The following PTPRD variants were observed in gnomAD, a reference collection of about 807,000 sequenced individuals.
PTPRD encodes receptor-type tyrosine-protein phosphatase delta.
PTPRD carries 34 observed loss-of-function variants against 214.5 expected under a neutral mutation model. The ratio of observed to expected loss-of-function variants is 0.16; its 90% CI spans 0.12 to 0.21. The LOEUF is 0.21. Ranked by LOEUF, PTPRD falls within the 10% of genes least tolerant of loss-of-function variation. PTPRD has a pLI of 1.00. For missense variants in PTPRD, 2,545 were observed against 2,398.7 expected (o/e 1.06, Z -1.27); for synonymous variants, 1,128 against 845.7 (o/e 1.33, Z -5.79).
chr9:10,493,141 A>T (rs2040901886), intron 2 of PTPRD, among the ~76,000 whole-genome samples: 1 of 152,176 alleles, frequency 6.6e-6, no homozygotes, highest in African/African-American at 2.4e-5. Context: ...TATGGATAGG[A>T]ATAATCAATA....
At chr9:8,449,913 T>C (rs2133485214) in intron 33 of PTPRD, 76 bp from the exon 34 acceptor site, 2 of 1,394,266 alleles carry the variant, frequency 1.4e-6, no homozygotes, top group East Asian at 2.3e-5. Context: ...GAATTGCACC[T>C]GCACTCCCCC....
chr9:8,582,155 G>A (rs2093213288), intron 14 of PTPRD, among the ~76,000 whole-genome samples: 1 of 152,082 alleles, frequency 6.6e-6, no homozygotes, highest in South Asian at 2.1e-4. Flanking sequence ...TGAGACAGAG[G>A]CAGTATTTCA....
At chr9:9,592,804 G>A (rs2092873681) in intron 7 of PTPRD, among the ~76,000 whole-genome samples, 1 of 152,062 alleles carries the variant, frequency 6.6e-6, no homozygotes, top group African/African-American at 2.4e-5. Context: ...CAGCACTTTG[G>A]GAGGTTGAGG....
At position 8,321,984 on chromosome 9, in the gene PTPRD, A is replaced by G. The variant is rs542095076; in HGVS notation, c.5535-2018T>C. ...TTTGGTAATTCTTGTAATATTTCAA[A>G]TTTTTTCATACTATTACATCTGTTA... On this transcript the variant is annotated intron_variant, in intron 44 of 45. Coordinates refer to ENST00000381196, the MANE Select transcript of PTPRD (RefSeq NM_002839.4). Among the ~76,000 whole-genome samples, 13 of 151,754 alleles carry G rather than the reference A, an allele frequency of 8.6e-5. No homozygotes were observed. In the East Asian group the frequency reaches 1.7e-3, roughly 20 times the overall value.
At chr9:8,772,061 G>C (rs891094362) in intron 11 of PTPRD, among the ~76,000 whole-genome samples, 2 of 151,850 alleles carry the variant, frequency 1.3e-5, no homozygotes, top group Admixed American at 6.6e-5. Context: ...ACTATCTCAT[G>C]TACTCCATAA....
intron 2 of PTPRD, among the ~76,000 whole-genome samples, chr9:10,428,972 G>A (rs678085): frequency 9.9e-5 from 15 of 151,990 alleles, no homozygotes; most frequent in Non-Finnish European, 1.8e-4. Flanking sequence ...AGTACCTGTC[G>A]CATAGGGTTG....
intron 2 of PTPRD, among the ~76,000 whole-genome samples, chr9:10,470,011 T>G (rs1311640264): frequency 6.6e-6 from 1 of 151,770 alleles, no homozygotes; most frequent in Non-Finnish European, 1.5e-5. Flanking sequence ...GTAGGGTATT[T>G]GGGAGGGGGA....
intron 2 of PTPRD, among the ~76,000 whole-genome samples, chr9:10,529,625 G>T (rs1018931853): frequency 2.0e-4 from 30 of 151,622 alleles, no homozygotes; most frequent in African/African-American, 7.0e-4. Flanking sequence ...GTAGATGATG[G>T]CTTGATGGGT....
intron 4 of PTPRD, among the ~76,000 whole-genome samples, chr9:9,958,885 A>T (rs1443243408): frequency 6.6e-6 from 1 of 152,190 alleles, no homozygotes; most frequent in Non-Finnish European, 1.5e-5. Context: ...TGCTAGTGAG[A>T]ATGTAGGGCA....
intron 5 of PTPRD, among the ~76,000 whole-genome samples, chr9:9,889,535 A>G (rs554019825): frequency 1.3e-5 from 2 of 152,164 alleles, no homozygotes; most frequent in Non-Finnish European, 2.9e-5. Flanking sequence ...AGAGAACACC[A>G]AGCCTCTAAG....
intron 11 of PTPRD, among the ~76,000 whole-genome samples, chr9:8,924,611 A>C (rs1286807077): frequency 6.6e-6 from 1 of 152,066 alleles, no homozygotes; most frequent in Non-Finnish European, 1.5e-5. Context: ...TAGACAGATG[A>C]GTCCATGGAG....
At chr9:10,150,162 T>C (rs2099051057) in intron 3 of PTPRD, among the ~76,000 whole-genome samples, 1 of 152,172 alleles carries the variant, frequency 6.6e-6, no homozygotes, top group Non-Finnish European at 1.5e-5. Context: ...TTTAAAGATA[T>C]TTTCAAAGAA....
At chr9:9,185,708 C>T (rs1479683171) in intron 9 of PTPRD, among the ~76,000 whole-genome samples, 2 of 151,982 alleles carry the variant, frequency 1.3e-5, no homozygotes, top group East Asian at 1.9e-4. Flanking sequence ...CTGAATGGCA[C>T]CTTCAGGCTA....
chr9:8,693,466 A>C (rs1259057332), intron 12 of PTPRD, among the ~76,000 whole-genome samples: 1 of 152,226 alleles, frequency 6.6e-6, no homozygotes, highest in Non-Finnish European at 1.5e-5. Flanking sequence ...TAAGGTGCTT[A>C]AATTATTAGC....
intron 2 of PTPRD, among the ~76,000 whole-genome samples, chr9:10,595,207 T>C (rs538854632): frequency 8.1e-4 from 123 of 152,046 alleles, no homozygotes; most frequent in African/African-American, 2.9e-3. Context: ...CATAGGACTG[T>C]ATTAATTATC....
At chr9:9,636,767 T>C (rs2095784840) in intron 7 of PTPRD, among the ~76,000 whole-genome samples, 1 of 152,218 alleles carries the variant, frequency 6.6e-6, no homozygotes, top group Non-Finnish European at 1.5e-5. Flanking sequence ...TTATTTAACA[T>C]TGTGTCAGTC....
chr9:8,660,915 TG>T (rs1430615135), intron 12 of PTPRD, among the ~76,000 whole-genome samples: 1 of 152,058 alleles, frequency 6.6e-6, no homozygotes, highest in East Asian at 1.9e-4. Context: ...AACCTTCATA[TG>T]GCATCTCAGA....
At chr9:10,158,094 C>T (rs991244638) in intron 3 of PTPRD, among the ~76,000 whole-genome samples, 1 of 152,046 alleles carries the variant, frequency 6.6e-6, no homozygotes, top group Non-Finnish European at 1.5e-5. Flanking sequence ...CTACAACCTC[C>T]TCCTCCTGAG....
At chr9:8,475,591 A>G (rs1025497201) in intron 30 of PTPRD, among the ~76,000 whole-genome samples, 31 of 152,188 alleles carry the variant, frequency 2.0e-4, no homozygotes, top group African/African-American at 7.2e-4. Context: ...TTAAGTTACA[A>G]AAGTACCCCC....
Sources: gnomAD v4.1 joint callset for allele counts (sites outside exome capture counted in the v4.1 genomes callset) on GRCh38, gnomAD v4.1.1 for gene constraint, MANE v1.5 for transcripts, NCBI Gene and HGNC (gene_info 2026-07-23, HGNC 2026-07-21) for gene names.